The following RASGRF2 variants were observed in gnomAD, a reference collection of about 807,000 sequenced individuals.
The protein encoded by RASGRF2 is Ras protein specific guanine nucleotide releasing factor 2.
A neutral mutation model predicts 151.0 loss-of-function variants in RASGRF2; 76 were observed. That is an observed-to-expected ratio of 0.50 (90% confidence interval 0.42 to 0.61). The LOEUF is 0.61. Ranked by LOEUF, RASGRF2 falls within the 20% of genes least tolerant of loss-of-function variation. RASGRF2 has a pLI of 0.00. For synonymous variants in RASGRF2, 504 were observed against 566.5 expected (o/e 0.89, Z 1.57); for missense variants, 1,148 against 1,564.6 (o/e 0.73, Z 4.49).
At chr5:81,212,822 A>G (rs1470781049) in intron 23 of RASGRF2, among the ~76,000 whole-genome samples, 1 of 152,070 alleles carries the variant, frequency 6.6e-6, no homozygotes, top group Non-Finnish European at 1.5e-5. Context: ...TGTTTCCTGA[A>G]TTATTTCGGA....
intron 17 of RASGRF2, among the ~76,000 whole-genome samples, chr5:81,136,429 G>C (rs1753755450): frequency 6.6e-6 from 1 of 151,686 alleles, no homozygotes; most frequent in African/African-American, 2.4e-5. Context: ...CTAGCTTGGT[G>C]GTTTTTTTCT....
In RASGRF2 at chr5:81,150,270, C is replaced by A. The variant is rs553316748; in HGVS notation, c.2686+23107C>A. 8.5e-5 allele frequency among the ~76,000 whole-genome samples: 13 copies of A among 152,298 alleles called. No homozygotes were observed. The East Asian group carries it at 2.5e-3, about 29-fold the overall frequency. ...CACCTGAGTTCTGCCGTTTATTTAGCTGTGTGACCTGGGGCAGCCTCTTTA... is the reference window on the plus strand; with the variant it reads ...CACCTGAGTTCTGCCGTTTATTTAGATGTGTGACCTGGGGCAGCCTCTTTA... On this transcript the variant is annotated intron_variant, in intron 17 of 26. Coordinates refer to ENST00000265080, the MANE Select transcript of RASGRF2 (RefSeq NM_006909.3).
chr5:81,194,251 G>C (rs987473437), intron 18 of RASGRF2, among the ~76,000 whole-genome samples: 2 of 151,720 alleles, frequency 1.3e-5, no homozygotes, highest in Non-Finnish European at 2.9e-5. Flanking sequence ...AGCTACTTGG[G>C]AGGCCGAGGT....
intron 12 of RASGRF2, among the ~76,000 whole-genome samples, chr5:81,097,020 G>A (rs1274097039): frequency 6.6e-6 from 1 of 151,796 alleles, no homozygotes; most frequent in African/African-American, 2.4e-5. Context: ...GGAGTGCAGT[G>A]GTGCGATCTC....
At chr5:81,151,792 G>A (rs1182752991) in intron 17 of RASGRF2, among the ~76,000 whole-genome samples, 31 of 152,228 alleles carry the variant, frequency 2.0e-4, no homozygotes, top group Middle Eastern at 3.4e-3. Context: ...ACCATATCCA[G>A]GACTACACTC....
chr5:81,047,907 G>A (rs1561576688), intron 2 of RASGRF2, among the ~76,000 whole-genome samples: 1 of 152,114 alleles, frequency 6.6e-6, no homozygotes, highest in African/African-American at 2.4e-5. Flanking sequence ...CACACAGTGT[G>A]GTAGCTGCAC....
chr5:81,104,855 G>A (rs1192020007), intron 12 of RASGRF2, among the ~76,000 whole-genome samples: 1 of 152,160 alleles, frequency 6.6e-6, no homozygotes, highest in South Asian at 2.1e-4. Flanking sequence ...GGGAACAGGA[G>A]AAAAAGTTCT....
intron 14 of RASGRF2, 151 bp downstream of exon 14, chr5:81,113,009 C>T: frequency 1.9e-6 from 2 of 1,068,944 alleles, no homozygotes; most frequent in African/African-American, 1.6e-5. Flanking sequence ...AGCAGAAGGC[C>T]ATATGTAAAG....
At chr5:81,178,048 A>G (rs1329315143) in intron 17 of RASGRF2, among the ~76,000 whole-genome samples, 2 of 152,200 alleles carry the variant, frequency 1.3e-5, no homozygotes, top group Non-Finnish European at 1.5e-5. Context: ...ACACATCCTA[A>G]TTTTCTTTCT....
intron 17 of RASGRF2, among the ~76,000 whole-genome samples, chr5:81,135,460 G>T (rs1437610678): frequency 6.6e-6 from 1 of 152,108 alleles, no homozygotes; most frequent in Admixed American, 6.5e-5. Context: ...CTTTGCAACT[G>T]CTAATCTCTT....
chr5:81,184,711 A>C (rs1754986610), intron 18 of RASGRF2, among the ~76,000 whole-genome samples: 1 of 152,210 alleles, frequency 6.6e-6, no homozygotes, highest in African/African-American at 2.4e-5. Context: ...ACCTACCTAC[A>C]TAAAAATCTC....
intron 1 of RASGRF2, among the ~76,000 whole-genome samples, chr5:81,016,786 T>C (rs1749650149): frequency 6.6e-6 from 1 of 152,222 alleles, no homozygotes; most frequent in South Asian, 2.1e-4. Context: ...TTATTCATAA[T>C]TTCAAATTTC....
At position 81,123,899 on chromosome 5, in the gene RASGRF2, C is replaced by T. The variant is rs1753382884; in HGVS notation, c.2596+132C>T. The T allele has an allele frequency of 7.4e-6, 9 of 1,210,978 alleles. No individual in the cohort carries two copies. The East Asian group carries it at 2.3e-4, about 31-fold the overall frequency. The allele number at this position is 1,210,978 out of a possible 1,614,324, so 75.0% of individuals were successfully genotyped here. On this transcript the variant is annotated intron_variant, in intron 16 of 26. Coordinates refer to ENST00000265080, the MANE Select transcript of RASGRF2 (RefSeq NM_006909.3). ...TCACTTATTGAAAATTAATTGGAAG[C>T]AAATACAGTCGGCCCTTTGTATCTG...
chr5:81,124,909 A>T lies in RASGRF2; in HGVS notation c.2596+1142A>T, dbSNP rs116287137. On this transcript the variant is annotated intron_variant, in intron 16 of 26. Coordinates refer to ENST00000265080, the MANE Select transcript of RASGRF2 (RefSeq NM_006909.3). The stretch of plus-strand genomic sequence containing the variant: ...AAAGGCTTTTTTTTTTGGTTTGGAG[A>T]CAGAGTCTCACTCTGTTACCCAGGC... 5.5e-3 allele frequency among the ~76,000 whole-genome samples: 766 copies of T among 139,620 alleles called. 2 individuals are homozygous for T. Among genetic ancestry groups the T allele is most frequent in the Non-Finnish European group, 8.1e-3 (529 of 65,490 alleles). The allele number at this position is 139,620 out of a possible 152,430, so 91.6% of individuals were successfully genotyped here.
intron 1 of RASGRF2, among the ~76,000 whole-genome samples, chr5:81,028,908 G>A (rs1026012180): frequency 6.6e-6 from 1 of 152,296 alleles, no homozygotes; most frequent in African/African-American, 2.4e-5. Context: ...GCCAAGGGAA[G>A]CCCTGCCAGA....
At chr5:81,198,614 T>G (rs183436942) in intron 18 of RASGRF2, among the ~76,000 whole-genome samples, 2 of 152,230 alleles carry the variant, frequency 1.3e-5, no homozygotes, top group Non-Finnish European at 2.9e-5. Flanking sequence ...AAATTTTTTA[T>G]ATTTTTAGTA....
intron 1 of RASGRF2, among the ~76,000 whole-genome samples, chr5:80,966,121 G>C (rs965495344): frequency 1.3e-5 from 2 of 151,358 alleles, no homozygotes; most frequent in African/African-American, 4.9e-5. Context: ...GTGTGTGTGT[G>C]GTGTTTATTC....
chr5:81,177,773 A>G (rs1754809294), intron 17 of RASGRF2, among the ~76,000 whole-genome samples: 1 of 152,006 alleles, frequency 6.6e-6, no homozygotes, highest in South Asian at 2.1e-4. Context: ...TCATTTGGAG[A>G]AGTGAAATTG....
intron 17 of RASGRF2, among the ~76,000 whole-genome samples, chr5:81,133,252 G>A (rs1403680019): frequency 3.3e-5 from 5 of 152,164 alleles, no homozygotes; most frequent in Admixed American, 1.3e-4. Flanking sequence ...TTGCCACCCC[G>A]ATTTCCTTTT....
Sources: gnomAD v4.1 joint callset for allele counts (sites outside exome capture counted in the v4.1 genomes callset) on GRCh38, gnomAD v4.1.1 for gene constraint, MANE v1.5 for transcripts, NCBI Gene and HGNC (gene_info 2026-07-23, HGNC 2026-07-21) for gene names.